GABRB1: variants seen among roughly 807,000 people sequenced by gnomAD.
GABRB1 encodes gamma-aminobutyric acid receptor subunit beta-1.
GABRB1 carries 17 observed loss-of-function variants against 51.6 expected under a neutral mutation model. The ratio of observed to expected loss-of-function variants is 0.33; its 90% CI spans 0.23 to 0.49. The LOEUF (loss-of-function observed/expected upper bound fraction) is 0.49, where lower values mean the gene tolerates loss of function less well. Among genes scored for constraint, GABRB1 ranks in the 20% least tolerant of loss-of-function variants. The pLI is 0.99. For missense variants in GABRB1, 410 were observed against 600.6 expected (o/e 0.68, Z 3.32); for synonymous variants, 247 against 218.9 (o/e 1.13, Z -1.14).
intron 4 of GABRB1, among the ~76,000 whole-genome samples, chr4:47,168,893 T>G (rs2109750772): frequency 6.6e-6 from 1 of 152,202 alleles, no homozygotes; most frequent in Admixed American, 6.5e-5. Context: ...CTCTTTTTGG[T>G]GCATAAATAG....
intron 5 of GABRB1, among the ~76,000 whole-genome samples, chr4:47,376,158 T>C (rs1560358152): frequency 1.3e-5 from 2 of 152,196 alleles, no homozygotes; most frequent in African/African-American, 2.4e-5. Context: ...ATTGGAGTTT[T>C]GGGTTTGATT....
chr4:47,339,500 A>G (rs1725807653), intron 5 of GABRB1, among the ~76,000 whole-genome samples: 1 of 151,934 alleles, frequency 6.6e-6, no homozygotes, highest in South Asian at 2.1e-4. Context: ...ATGAACAAGT[A>G]CCTAGAAAGT....
chr4:47,121,140 T>C (rs1698000386), intron 3 of GABRB1, among the ~76,000 whole-genome samples: 1 of 152,234 alleles, frequency 6.6e-6, no homozygotes, highest in East Asian at 1.9e-4. Context: ...CTCTGACCAC[T>C]GGGTTGGGTA....
chr4:47,210,101 C>T (rs1720296980), intron 4 of GABRB1, among the ~76,000 whole-genome samples: 1 of 152,026 alleles, frequency 6.6e-6, no homozygotes, highest in Non-Finnish European at 1.5e-5. Flanking sequence ...AACCATGACT[C>T]AAATGATGTG....
intron 4 of GABRB1, among the ~76,000 whole-genome samples, chr4:47,161,986 T>G (rs1438965776): frequency 6.6e-6 from 1 of 152,016 alleles, no homozygotes; most frequent in Non-Finnish European, 1.5e-5. Flanking sequence ...GTGATGAAAT[T>G]TCTAGTGGTT....
chr4:47,011,905 A>C (rs904424834), intron 1 of GABRB1, among the ~76,000 whole-genome samples: 6 of 152,302 alleles, frequency 3.9e-5, no homozygotes, highest in South Asian at 2.1e-4. Context: ...AGGAAAAAAA[A>C]TCCCACAGTA....
At chr4:47,028,131 T>A (rs1181355477), upstream of GABRB1, among the ~76,000 whole-genome samples, 1 of 151,796 alleles carries the variant, frequency 6.6e-6, no homozygotes, top group Non-Finnish European at 1.5e-5. Context: ...CTTGAAACTT[T>A]ACAATATATT....
chr4:47,192,266 G>T (rs190819359), intron 4 of GABRB1, among the ~76,000 whole-genome samples: 2 of 152,012 alleles, frequency 1.3e-5, no homozygotes, highest in Admixed American at 6.6e-5. Context: ...TACCTAACCA[G>T]TGTCAGCACC....
intron 5 of GABRB1, among the ~76,000 whole-genome samples, chr4:47,388,760 G>GA (rs1187230742): frequency 8.5e-5 from 13 of 152,200 alleles, no homozygotes; most frequent in Non-Finnish European, 1.6e-4. Context: ...ACTGTGAGCA[G>GA]AAAAAAGTTC....
At chr4:47,399,079 G>A (rs1037682057) in intron 5 of GABRB1, among the ~76,000 whole-genome samples, 1 of 152,162 alleles carries the variant, frequency 6.6e-6, no homozygotes, top group African/African-American at 2.4e-5. Context: ...CGTGAGCCAC[G>A]GCACCTGGCC....
intron 4 of GABRB1, among the ~76,000 whole-genome samples, chr4:47,204,390 C>A (rs1158112471): frequency 6.6e-6 from 1 of 152,152 alleles, no homozygotes; most frequent in Non-Finnish European, 1.5e-5. Flanking sequence ...GCACTTTAGA[C>A]TATTGGTCAA....
chr4:47,033,544 A>C (rs1725428681), intron 3 of GABRB1, among the ~76,000 whole-genome samples: 1 of 152,210 alleles, frequency 6.6e-6, no homozygotes, highest in African/African-American at 2.4e-5. Context: ...TAAATCCTGA[A>C]TAATTTAAAG....
At chr4:47,283,115 A>G (rs1723352742) in intron 4 of GABRB1, among the ~76,000 whole-genome samples, 1 of 152,162 alleles carries the variant, frequency 6.6e-6, no homozygotes, top group African/African-American at 2.4e-5. Flanking sequence ...AACACCCTGA[A>G]CATGTTTAGA....
chr4:47,067,673 C>T (rs1038410990), intron 3 of GABRB1, among the ~76,000 whole-genome samples: 4 of 151,822 alleles, frequency 2.6e-5, no homozygotes, highest in East Asian at 1.9e-4. Context: ...CTCGCTCTGT[C>T]GCCCAGGCTG....
At chr4:47,242,339 A>G (rs1329857816) in intron 4 of GABRB1, among the ~76,000 whole-genome samples, 1 of 152,234 alleles carries the variant, frequency 6.6e-6, no homozygotes, top group Non-Finnish European at 1.5e-5. Flanking sequence ...TAGTGCCGCA[A>G]TAAACATACG....
intron 4 of GABRB1, among the ~76,000 whole-genome samples, chr4:47,195,041 A>C (rs1442428639): frequency 3.3e-5 from 5 of 152,158 alleles, no homozygotes; most frequent in Admixed American, 1.3e-4. Flanking sequence ...ACCATGGGTA[A>C]GCAGAGGTGG....
chr4:47,297,356 C>T (rs28846547), intron 4 of GABRB1, among the ~76,000 whole-genome samples: 51,888 of 106,490 alleles, frequency 0.49, 12,783 homozygotes, highest in East Asian at 0.61. Flanking sequence ...ATTGATAGAC[C>T]GCTAGCAAGA....
chr4:47,023,769 T>C (rs1163104035), intron 1 of GABRB1, among the ~76,000 whole-genome samples: 1 of 151,920 alleles, frequency 6.6e-6, no homozygotes, highest in Non-Finnish European at 1.5e-5. Flanking sequence ...AAACATCTCA[T>C]GTACCCCGCA....
intron 4 of GABRB1, among the ~76,000 whole-genome samples, chr4:47,174,036 T>C (rs1171834879): frequency 6.6e-6 from 1 of 152,090 alleles, no homozygotes; most frequent in Non-Finnish European, 1.5e-5. Context: ...TGTTCAATTG[T>C]TCCCTTTTTT....
Sources: gnomAD v4.1 joint callset for allele counts (sites outside exome capture counted in the v4.1 genomes callset) on GRCh38, gnomAD v4.1.1 for gene constraint, MANE v1.5 for transcripts, NCBI Gene and HGNC (gene_info 2026-07-23, HGNC 2026-07-21) for gene names.